SPAST: variants seen among roughly 807,000 people sequenced by gnomAD.
SPAST encodes the protein spastin, also known as spastic paraplegia 4 (autosomal dominant; spastin).
SPAST carries 30 observed loss-of-function variants against 76.6 expected under a neutral mutation model. The ratio of observed to expected loss-of-function variants is 0.39; its 90% CI spans 0.29 to 0.53. SPAST has a LOEUF of 0.53. Among genes scored for constraint, SPAST ranks in the 20% least tolerant of loss-of-function variants. The pLI is 0.68. For synonymous variants in SPAST, 305 were observed against 281.0 expected (o/e 1.09, Z -0.86); for missense variants, 717 against 770.5 (o/e 0.93, Z 0.82).
At chr2:32,075,859 CTTT>C (rs56708982) in intron 1 of SPAST, among the ~76,000 whole-genome samples, 35 of 82,382 alleles carry the variant, frequency 4.2e-4, no homozygotes, top group African/African-American at 1.6e-3. Flanking sequence ...AGACTCCTGG[CTTT>C]TTTTTTTTTT....
At position 32,121,342 on chromosome 2, in the gene SPAST, G is replaced by A. The variant is rs564069266; in HGVS notation, c.1098+5130G>A. 3.3e-5 allele frequency among the ~76,000 whole-genome samples: 5 copies of A among 151,710 alleles called. No homozygotes were observed. In the South Asian group the frequency reaches 6.2e-4, roughly 19 times the overall value. Reference sequence around the variant, plus strand: ...TAATTTTTGTATTTTTAGTAGAGACGGGGTTTCAGGCTGGTCTTGAACTCC... The same window carrying A: ...TAATTTTTGTATTTTTAGTAGAGACAGGGTTTCAGGCTGGTCTTGAACTCC... On this transcript the variant is annotated intron_variant, in intron 7 of 16. Transcript: ENST00000315285.
chr2:32,113,012 C>G (rs908346434), intron 4 of SPAST, among the ~76,000 whole-genome samples: 1 of 152,090 alleles, frequency 6.6e-6, no homozygotes, highest in African/African-American at 2.4e-5. Flanking sequence ...GGACAAATAA[C>G]CTTTTCAACT....
intron 9 of SPAST, among the ~76,000 whole-genome samples, chr2:32,135,620 A>G (rs1322352929): frequency 6.6e-6 from 1 of 151,940 alleles, no homozygotes; most frequent in East Asian, 1.9e-4. Context: ...GAATGTCTCA[A>G]GGGGTGTTCA....
intron 1 of SPAST, among the ~76,000 whole-genome samples, chr2:32,075,859 C>CTT (rs56708982): frequency 0.25 from 20,175 of 81,766 alleles, 2,629 homozygotes; most frequent in East Asian, 0.44. Context: ...AGACTCCTGG[C>CTT]TTTTTTTTTT....
intron 4 of SPAST, among the ~76,000 whole-genome samples, chr2:32,107,096 C>T (rs1678353205): frequency 6.6e-6 from 1 of 152,086 alleles, no homozygotes; most frequent in Non-Finnish European, 1.5e-5. Context: ...TTTCCTGCTG[C>T]ATTCCCCACT....
At chr2:32,094,256 T>A (rs1020166830) in intron 3 of SPAST, among the ~76,000 whole-genome samples, 1 of 152,168 alleles carries the variant, frequency 6.6e-6, no homozygotes, top group Non-Finnish European at 1.5e-5. Context: ...TCTTGCCTTA[T>A]CACCCAGGCC....
chr2:32,131,671 C>CTTTTTTTTT (rs541036416), intron 9 of SPAST, among the ~76,000 whole-genome samples: 1 of 108,018 alleles, frequency 9.3e-6, no homozygotes, highest in African/African-American at 3.5e-5. Flanking sequence ...CAACCATTCT[C>CTTTTTTTTT]TTTTTTTTTT....
intron 7 of SPAST, among the ~76,000 whole-genome samples, chr2:32,119,992 C>G (rs552327881): frequency 6.7e-6 from 1 of 150,110 alleles, no homozygotes; most frequent in South Asian, 2.1e-4. Context: ...AAGCTCTTCT[C>G]TATCTACTAA....
intron 4 of SPAST, among the ~76,000 whole-genome samples, chr2:32,107,600 C>G (rs569857882): frequency 6.6e-6 from 1 of 152,112 alleles, no homozygotes; most frequent in Non-Finnish European, 1.5e-5. Flanking sequence ...AAAGGAAATA[C>G]TGGAGTATTT....
chr2:32,096,237 C>G (rs1029328197), intron 3 of SPAST, among the ~76,000 whole-genome samples: 1 of 152,176 alleles, frequency 6.6e-6, no homozygotes, highest in African/African-American at 2.4e-5. Flanking sequence ...GAGTTTGAGA[C>G]AAGTCTGGCC....
chr2:32,084,951 A>G (rs1261880594), intron 1 of SPAST, among the ~76,000 whole-genome samples: 1 of 151,196 alleles, frequency 6.6e-6, no homozygotes, highest in African/African-American at 2.4e-5. Flanking sequence ...TAAAAAAGGA[A>G]CTTCTTTTGT....
chr2:32,117,411 G>T (rs1220926704), intron 7 of SPAST, among the ~76,000 whole-genome samples: 2 of 151,682 alleles, frequency 1.3e-5, no homozygotes, highest in African/African-American at 4.8e-5. Context: ...CTCCATCGAA[G>T]GCTAAATACC....
intron 1 of SPAST, among the ~76,000 whole-genome samples, chr2:32,079,329 A>G (rs1303117156): frequency 6.6e-6 from 1 of 151,672 alleles, no homozygotes; most frequent in Non-Finnish European, 1.5e-5. Context: ...CAGCCTGGGC[A>G]ATATAGTGAG....
chr2:32,135,681 G>A (rs1445867748), intron 9 of SPAST, among the ~76,000 whole-genome samples: 9 of 151,946 alleles, frequency 5.9e-5, no homozygotes, highest in South Asian at 2.1e-4. Context: ...GGCTGGGCGC[G>A]GTGGCTCATG....
intron 12 of SPAST, among the ~76,000 whole-genome samples, chr2:32,141,067 G>C (rs780259017): frequency 1.8e-4 from 27 of 151,922 alleles, no homozygotes; most frequent in Non-Finnish European, 3.4e-4. Context: ...TAGGGGAAGG[G>C]ATAGGTATCT....
chr2:32,087,565 A>G lies in SPAST; in HGVS notation c.489A>G (p.Ile163Met). The change falls in exon 2 of 17, where the codon ATA (isoleucine) becomes ATG (methionine). Residue 163 changes from isoleucine (I) to methionine (M), a missense_variant. Ile to Met is a conservative substitution (Grantham distance 10). Transcript: ENST00000315285. ...IEELEKGIAVIVTGQGEQCER... is the reference protein window; with the variant it reads ...IEELEKGIAVMVTGQGEQCER... ...AACTGGAAAAAGGAATAGCTGTTAT[A>G]GTTACAGGACAAGGTAAGATTGTAT... The G allele has an allele frequency of 6.3e-7, 1 of 1,586,748 alleles. No individual in the cohort carries two copies. Among genetic ancestry groups the G allele is most frequent in the Non-Finnish European group, 8.6e-7 (1 of 1,156,248 alleles).
intron 3 of SPAST, among the ~76,000 whole-genome samples, chr2:32,098,294 C>T (rs959002994): frequency 4.6e-5 from 7 of 151,886 alleles, no homozygotes; most frequent in Non-Finnish European, 5.9e-5. Context: ...ATTGAGACCC[C>T]GTCTCTACAA....
At chr2:32,134,486 T>G (rs1679470574) in intron 9 of SPAST, among the ~76,000 whole-genome samples, 1 of 151,484 alleles carries the variant, frequency 6.6e-6, no homozygotes, top group Non-Finnish European at 1.5e-5. Flanking sequence ...TTTTTTTTTG[T>G]AGTGACAAGG....
chr2:32,142,043 T>C, intron 13 of SPAST, 97 bp downstream of exon 13: 1 of 951,776 alleles, frequency 1.1e-6, no homozygotes, highest in South Asian at 1.4e-5. Flanking sequence ...ACAGCTACTT[T>C]GGAAAACAGT....
Sources: gnomAD v4.1 joint callset for allele counts (sites outside exome capture counted in the v4.1 genomes callset) on GRCh38, gnomAD v4.1.1 for gene constraint, MANE v1.5 for transcripts, NCBI Gene and HGNC (gene_info 2026-07-23, HGNC 2026-07-21) for gene names.